Variants in PROM1 observed in about 807,000 individuals in gnomAD.
The protein encoded by PROM1 is prominin 1, also known as prominin-1.
A neutral mutation model predicts 116.9 loss-of-function variants in PROM1; 105 were observed. That is an observed-to-expected ratio of 0.90 (90% confidence interval 0.77 to 1.06). The LOEUF is 1.06. Among genes scored for constraint, PROM1 ranks in the 50% least tolerant of loss-of-function variants. PROM1 has a pLI of 0.00. For missense variants in PROM1, 1,122 were observed against 1,045.2 expected (o/e 1.07, Z -1.01); for synonymous variants, 393 against 387.0 (o/e 1.02, Z -0.18).
chr4:16,053,484 A>G (rs1738319696), intron 2 of PROM1, among the ~76,000 whole-genome samples: 1 of 152,224 alleles, frequency 6.6e-6, no homozygotes, highest in Non-Finnish European at 1.5e-5. Flanking sequence ...GAAACAGTAA[A>G]AAAGATAACT....
chr4:16,052,621 G>A (rs1029412162), intron 2 of PROM1, among the ~76,000 whole-genome samples: 2 of 152,032 alleles, frequency 1.3e-5, no homozygotes, highest in Admixed American at 6.5e-5. Flanking sequence ...GGGACTACAG[G>A]TGCACAACAC....
intron 26 of PROM1, among the ~76,000 whole-genome samples, chr4:15,976,528 G>A (rs1033093717): frequency 4.6e-5 from 7 of 152,220 alleles, no homozygotes; most frequent in African/African-American, 1.4e-4. Context: ...AAGGTCTCAC[G>A]TGGTGGCATA....
intron 2 of PROM1, among the ~76,000 whole-genome samples, chr4:16,053,092 TG>T (rs1408810430): frequency 6.6e-6 from 1 of 152,210 alleles, no homozygotes; most frequent in South Asian, 2.1e-4. Flanking sequence ...CAATGCGAAA[TG>T]TCCTGCATGT....
chr4:15,999,224 C>T (rs1237210482), intron 14 of PROM1, among the ~76,000 whole-genome samples: 1 of 151,934 alleles, frequency 6.6e-6, no homozygotes, highest in Non-Finnish European at 1.5e-5. Flanking sequence ...GTAATCCCAG[C>T]ACTTTGGGAG....
intron 13 of PROM1, among the ~76,000 whole-genome samples, chr4:16,004,805 ATCTTTCTT>A (rs147556972): frequency 1.8e-4 from 23 of 124,976 alleles, no homozygotes; most frequent in African/African-American, 4.4e-4. Flanking sequence ...CTTGCAGCTA[ATCTTTCTT>A]TCTTTCTTTC....
intron 14 of PROM1, among the ~76,000 whole-genome samples, chr4:15,998,894 T>C (rs1722987208): frequency 6.6e-6 from 1 of 152,040 alleles, no homozygotes; most frequent in African/African-American, 2.4e-5. Flanking sequence ...GTAGTTTTAG[T>C]AGAAATGGCA....
chr4:15,990,855 A>C (rs1401720948), intron 18 of PROM1, among the ~76,000 whole-genome samples: 1 of 152,232 alleles, frequency 6.6e-6, no homozygotes, highest in Non-Finnish European at 1.5e-5. Context: ...TTAGCATTCC[A>C]TTGAAAGCGG....
chr4:16,050,186 G>A (rs1230455703), intron 2 of PROM1, among the ~76,000 whole-genome samples: 4 of 151,682 alleles, frequency 2.6e-5, no homozygotes, highest in South Asian at 2.1e-4. Flanking sequence ...CCTTGAACCC[G>A]GGAGTCAGAG....
Position 16,040,560 on chromosome 4 carries a change from T to C in PROM1, c.221-1559A>G, listed in dbSNP as rs1278030397. On this transcript the variant is annotated intron_variant, in intron 2 of 27. Coordinates refer to ENST00000447510, the MANE Select transcript of PROM1 (RefSeq NM_006017.3). The stretch of plus-strand genomic sequence containing the variant: ...ATACTTAGCTGCACAGCATAATATG[T>C]TGCAATTTGGGATCTTGATCTAGCA... 2.0e-5 allele frequency among the ~76,000 whole-genome samples: 3 copies of C among 152,234 alleles called. No individual in the cohort carries two copies. In the East Asian group the frequency reaches 5.8e-4, roughly 29 times the overall value.
chr4:16,000,374 A>G (rs1723457947), intron 14 of PROM1, 122 bp downstream of exon 14: 1 of 793,678 alleles, frequency 1.3e-6, no homozygotes, highest in East Asian at 3.3e-5. Flanking sequence ...ATTTCAAGAA[A>G]TTTACTGAAT....
chr4:16,006,611 A>G lies in PROM1; in HGVS notation c.1381T>C (p.Cys461Arg). 1.2e-6 allele frequency: 2 copies of G among 1,610,934 alleles called. No individual in the cohort carries two copies. The highest frequency in any genetic ancestry group is 1.7e-6 in the Non-Finnish European group (2 of 1,178,740). The change falls in exon 13 of 28, where the codon TGC (cysteine) becomes CGC (arginine). Residue 461 changes from cysteine to arginine, a missense_variant. Cys to Arg is a radical substitution (Grantham distance 180). Transcript: ENST00000447510. ...GGGGTGGCATGCCTGTCATAGCCGCACACGCCACACAGTAAGCCCAGGTAG... is the reference window on the plus strand; with the variant it reads ...GGGGTGGCATGCCTGTCATAGCCGCGCACGCCACACAGTAAGCCCAGGTAG... The part of the protein sequence containing the change: ...FYYLGLLCGV[C>R]GYDRHATPTT...
At chr4:16,082,358 G>A (rs547379983) in intron 1 of PROM1, among the ~76,000 whole-genome samples, 3 of 151,904 alleles carry the variant, frequency 2.0e-5, no homozygotes, top group African/African-American at 4.8e-5. Flanking sequence ...GTCTCGGGGG[G>A]CACTCAAGAA....
intron 2 of PROM1, among the ~76,000 whole-genome samples, chr4:16,070,947 G>T (rs1742670492): frequency 6.6e-6 from 1 of 152,148 alleles, no homozygotes; most frequent in African/African-American, 2.4e-5. Flanking sequence ...GCATCAAATT[G>T]ATTGTAACTG....
At chr4:16,053,382 G>A (rs1738299653) in intron 2 of PROM1, among the ~76,000 whole-genome samples, 1 of 152,216 alleles carries the variant, frequency 6.6e-6, no homozygotes, top group Non-Finnish European at 1.5e-5. Context: ...CGTTTATCAA[G>A]CTCAAAACTT....
intron 2 of PROM1, among the ~76,000 whole-genome samples, chr4:16,068,326 C>G (rs1742029083): frequency 6.6e-6 from 1 of 152,152 alleles, no homozygotes; most frequent in African/African-American, 2.4e-5. Flanking sequence ...TCCACGTTAC[C>G]AAATGGAAAC....
chr4:16,064,858 A>T (rs1380588042), intron 2 of PROM1, among the ~76,000 whole-genome samples: 4 of 152,168 alleles, frequency 2.6e-5, no homozygotes, highest in African/African-American at 4.8e-5. Context: ...ACACCATTGC[A>T]CTCCAGCCTG....
At chr4:16,031,485 CAG>C (rs1199819170) in intron 5 of PROM1, among the ~76,000 whole-genome samples, 2 of 151,996 alleles carry the variant, frequency 1.3e-5, no homozygotes, top group Non-Finnish European at 1.5e-5. Flanking sequence ...AAATACAAAG[CAG>C]AGAGAGACAG....
At chr4:15,978,623 C>T (rs1716852300) in intron 26 of PROM1, among the ~76,000 whole-genome samples, 1 of 152,224 alleles carries the variant, frequency 6.6e-6, no homozygotes, top group South Asian at 2.1e-4. Context: ...TAGACTCACC[C>T]TTTTGCATCT....
chr4:15,986,513 G>A (rs1334520391), intron 20 of PROM1, among the ~76,000 whole-genome samples: 1 of 152,086 alleles, frequency 6.6e-6, no homozygotes, highest in East Asian at 1.9e-4. Flanking sequence ...TTGGAAATGG[G>A]GCCTTTTCTG....
Sources: allele counts gnomAD v4.1 joint callset (sites outside exome capture counted in the v4.1 genomes callset), GRCh38; gene constraint gnomAD v4.1.1; transcripts MANE v1.5; gene names NCBI Gene and HGNC (gene_info 2026-07-23, HGNC 2026-07-21).